The following DOCK1 variants were observed in gnomAD, a reference collection of about 807,000 sequenced individuals.
The protein encoded by DOCK1 is dedicator of cytokinesis protein 1.
Under a neutral mutation model 262.7 loss-of-function variants are expected in DOCK1, and 138 were observed. That is an observed-to-expected ratio of 0.53 (90% confidence interval 0.46 to 0.61). The LOEUF (loss-of-function observed/expected upper bound fraction) is 0.61, where lower values mean the gene tolerates loss of function less well. DOCK1 is among the 20% of genes least tolerant of loss of function. The pLI is 0.00. For missense variants in DOCK1, 1,908 were observed against 2,370.7 expected (o/e 0.80, Z 4.05); for synonymous variants, 866 against 867.4 (o/e 1.00, Z 0.03).
intron 29 of DOCK1, among the ~76,000 whole-genome samples, chr10:127,330,450 G>A (rs927565394): frequency 2.0e-5 from 3 of 152,112 alleles, no homozygotes; most frequent in African/African-American, 7.2e-5. Context: ...TGATGAGGGT[G>A]TGGAGAAATT....
chr10:127,022,801 T>C (rs998798583), intron 13 of DOCK1, among the ~76,000 whole-genome samples: 9 of 152,194 alleles, frequency 5.9e-5, no homozygotes, highest in Non-Finnish European at 8.8e-5. Flanking sequence ...CAGTGGATAC[T>C]GCGATAGTCC....
intron 33 of DOCK1, among the ~76,000 whole-genome samples, chr10:127,373,449 A>T (rs548849227): frequency 4.9e-4 from 75 of 151,544 alleles, no homozygotes; most frequent in Non-Finnish European, 6.9e-4. Context: ...GTTTGTAGAG[A>T]TGAAGTTTGA....
At chr10:126,956,107 C>T (rs904619577) in intron 1 of DOCK1, among the ~76,000 whole-genome samples, 6 of 152,298 alleles carry the variant, frequency 3.9e-5, no homozygotes, top group East Asian at 1.9e-4. Context: ...TCTCTGCAGC[C>T]GGCGCATCTG....
At chr10:127,319,012 G>C (rs551840208) in intron 29 of DOCK1, among the ~76,000 whole-genome samples, 1 of 152,188 alleles carries the variant, frequency 6.6e-6, no homozygotes, top group Non-Finnish European at 1.5e-5. Flanking sequence ...TCTGTGACTT[G>C]CTCTGACACC....
intron 16 of DOCK1, among the ~76,000 whole-genome samples, chr10:127,028,409 G>A (rs565188143): frequency 6.6e-6 from 1 of 152,296 alleles, no homozygotes; most frequent in African/African-American, 2.4e-5. Context: ...AGTTTATTGT[G>A]TTATTTGGAT....
chr10:127,204,763 A>G (rs1187261826), intron 27 of DOCK1, among the ~76,000 whole-genome samples: 2 of 152,224 alleles, frequency 1.3e-5, no homozygotes, highest in African/African-American at 4.8e-5. Context: ...TAAACATTGA[A>G]GAAGATCACC....
intron 27 of DOCK1, among the ~76,000 whole-genome samples, chr10:127,203,240 G>C (rs996224718): frequency 6.6e-6 from 1 of 152,152 alleles, no homozygotes. Context: ...TAATGGCATC[G>C]TATTACCATG....
chr10:127,037,679 TCTTG>T, intron 18 of DOCK1, 36 bp from the exon 19 acceptor site: 1 of 1,519,136 alleles, frequency 6.6e-7, no homozygotes, highest in African/African-American at 1.4e-5. Context: ...GAACAGAGTT[TCTTG>T]CTTGTGAAGA....
At chr10:127,231,234 T>G (rs541838592) in intron 27 of DOCK1, among the ~76,000 whole-genome samples, 1 of 130,928 alleles carries the variant, frequency 7.6e-6, no homozygotes, top group East Asian at 2.2e-4. Flanking sequence ...GTAGACTGAA[T>G]CCAAGGCTTT....
In DOCK1 at chr10:127,270,151, C is replaced by G. The variant is rs1209937689; in HGVS notation, c.3044+12722C>G. On this transcript the variant is annotated intron_variant, in intron 29 of 51. Coordinates refer to ENST00000623213, the MANE Select transcript of DOCK1 (RefSeq NM_001290223.2). ...TGGCAGGGGTGTCTTCCTCTGAAAT[C>G]AGTGTCCATCTCAGTCCTGGCCGCA... 2.6e-5 allele frequency among the ~76,000 whole-genome samples: 4 copies of G among 152,194 alleles called. No homozygotes were observed. In the East Asian group the frequency reaches 7.7e-4, roughly 29 times the overall value.
chr10:127,383,871 T>C (rs1252837976), intron 37 of DOCK1, among the ~76,000 whole-genome samples: 2 of 152,174 alleles, frequency 1.3e-5, no homozygotes, highest in African/African-American at 4.8e-5. Flanking sequence ...TGCCCGTAGG[T>C]GCCCATGGAG....
At chr10:126,932,986 A>G (rs1266079345) in intron 1 of DOCK1, among the ~76,000 whole-genome samples, 1 of 151,812 alleles carries the variant, frequency 6.6e-6, no homozygotes, top group Non-Finnish European at 1.5e-5. Flanking sequence ...GCCTGGATAT[A>G]TGTGGAGGAG....
intron 27 of DOCK1, among the ~76,000 whole-genome samples, chr10:127,170,056 A>G (rs966177809): frequency 2.6e-5 from 4 of 151,700 alleles, no homozygotes; most frequent in African/African-American, 9.7e-5. Context: ...TCACACCACC[A>G]AGAAACCACC....
intron 27 of DOCK1, among the ~76,000 whole-genome samples, chr10:127,242,118 T>C (rs2059286247): frequency 6.6e-6 from 1 of 152,176 alleles, no homozygotes; most frequent in Non-Finnish European, 1.5e-5. Context: ...AATTCTCTTG[T>C]CTTTAGTTGC....
At chr10:127,315,679 T>G (rs11017260) in intron 29 of DOCK1, among the ~76,000 whole-genome samples, 6,617 of 152,260 alleles carry the variant, frequency 0.043, 180 homozygotes, top group Non-Finnish European at 0.066. Flanking sequence ...TGAAGTCACA[T>G]CAGTTGCATT....
chr10:127,194,352 T>G (rs1274063305), intron 27 of DOCK1, among the ~76,000 whole-genome samples: 1 of 152,232 alleles, frequency 6.6e-6, no homozygotes, highest in Non-Finnish European at 1.5e-5. Flanking sequence ...GGCATGCAGA[T>G]GGCAGGACTT....
chr10:127,093,223 C>CT (rs71276669), intron 23 of DOCK1, among the ~76,000 whole-genome samples: 33 of 94,476 alleles, frequency 3.5e-4, no homozygotes, highest in African/African-American at 1.4e-3. Context: ...TCTTTCTTTT[C>CT]TTTCTTTCTT....
chr10:127,253,219 C>T (rs555023639), intron 28 of DOCK1, among the ~76,000 whole-genome samples: 24 of 152,314 alleles, frequency 1.6e-4, no homozygotes, highest in Admixed American at 1.3e-3. Flanking sequence ...GAATGTGCCC[C>T]GATTCTCTGT....
chr10:127,013,672 C>A (rs1468228655), intron 12 of DOCK1: 1 of 152,170 alleles, frequency 6.6e-6, no homozygotes, highest in African/African-American at 2.4e-5. Context: ...GGGTCCAGTT[C>A]CTTGAACTTC....
Sources: gnomAD v4.1 joint callset for allele counts (sites outside exome capture counted in the v4.1 genomes callset) on GRCh38, gnomAD v4.1.1 for gene constraint, MANE v1.5 for transcripts, NCBI Gene and HGNC (gene_info 2026-07-23, HGNC 2026-07-21) for gene names.